The following SMCR8 variants were observed in gnomAD, a reference collection of about 807,000 sequenced individuals.
SMCR8 encodes the protein guanine nucleotide exchange protein SMCR8.
In SMCR8, 30 loss-of-function variants were observed where a neutral mutation model predicts 56.6. The observed-to-expected ratio is 0.53, with a 90% CI of 0.40 to 0.72. The LOEUF (loss-of-function observed/expected upper bound fraction) is 0.72, where lower values mean the gene tolerates loss of function less well. Among genes scored for constraint, SMCR8 ranks in the 30% least tolerant of loss-of-function variants. The pLI is 0.00. For missense variants in SMCR8, 1,198 were observed against 1,157.0 expected, an observed-to-expected ratio of 1.04 and a Z score of -0.51; for synonymous variants, 538 against 456.0, an observed-to-expected ratio of 1.18 and a Z score of -2.29.
chr17:18,319,280 G>A (rs1016258127), intron 1 of SMCR8, among the ~76,000 whole-genome samples: 22 of 152,174 alleles, frequency 1.4e-4, no homozygotes, highest in African/African-American at 5.1e-4. Context: ...GAGAGCCATC[G>A]GAAGGGTCCA....
rs978153014 is a variant in SMCR8 at position 18,322,634 on chromosome 17, G to A, written c.2378G>A (p.Gly793Asp). 1 of 1,613,600 alleles carries A rather than the reference G, an allele frequency of 6.2e-7. No individual in the cohort carries two copies. Among genetic ancestry groups the A allele is most frequent in the Non-Finnish European group, 8.5e-7 (1 of 1,179,664 alleles). The change falls in exon 2 of 2, where the codon GGT becomes GAT. Residue 793 changes from glycine (G) to aspartate (D), a missense_variant. Transcript: ENST00000406438. ...TGTTTCAGAGTGGCCTCCCCTGCCG[G>A]TGCCGGTACCCTCCATGCCCTGAGC... ...IGLQRVASPA[G>D]AGTLHALSRY...
Position 18,317,710 on chromosome 17 carries a change from GACA to G in SMCR8, c.1925_1927del (p.Asn642del). On this transcript the variant is annotated inframe_deletion, in exon 1 of 2. Coordinates refer to ENST00000406438, the MANE Select transcript of SMCR8 (RefSeq NM_144775.3). ...GGAAAATGCCAACCCTTCTTCCCGA[GACA>G]ACAGTTGTGAAGGGTTTCCCGCTTA... 6.2e-7 allele frequency: 1 copy of G among 1,614,172 alleles called. No individual in the cohort carries two copies. The highest frequency in any genetic ancestry group is 1.1e-5 in the South Asian group (1 of 91,080).
chr17:18,316,435 C>A lies in SMCR8; in HGVS notation c.646C>A (p.Gln216Lys). The A allele has an allele frequency of 6.2e-7, 1 of 1,614,102 alleles. No individual in the cohort carries two copies. Among genetic ancestry groups the A allele is most frequent in the Non-Finnish European group, 8.5e-7 (1 of 1,180,040 alleles). ...AGTGCTACACACAGAAACGGAGATCCAGAAGAAAGCCAACGACAAAGGCTT... is the reference window on the plus strand; with the variant it reads ...AGTGCTACACACAGAAACGGAGATCAAGAAGAAAGCCAACGACAAAGGCTT... ...RTVLHTETEIQKKANDKGFYS... is the reference protein window; with the variant it reads ...RTVLHTETEIKKKANDKGFYS... Residue 216 changes from glutamine to lysine, a missense_variant, in exon 1 of 2, where the codon CAG becomes AAG. Physicochemically the swap from Gln to Lys is moderately conservative, Grantham distance 53 (BLOSUM62 1). Transcript: ENST00000406438.
chr17:18,317,676 C>CTTCCA lies in SMCR8; in HGVS notation c.1889_1890insCCATT (p.Ser631HisfsTer50). 4 of 1,614,180 alleles carry CTTCCA rather than the reference C, an allele frequency of 2.5e-6. No individual in the cohort carries two copies. The highest frequency in any genetic ancestry group is 3.4e-6 in the Non-Finnish European group (4 of 1,180,034). Reference sequence around the variant, plus strand: ...AGAAGGACCAGGGGTTCCGTGTAGACTTTTCAGTGGAAAATGCCAACCCTT... The same window carrying CTTCCA: ...AGAAGGACCAGGGGTTCCGTGTAGACTTCCATTTTCAGTGGAAAATGCCAACCCTT... On this transcript the variant is annotated frameshift_variant, in exon 1 of 2. Transcript: ENST00000406438. LOFTEE classifies it high-confidence loss of function.
chr17:18,318,301 T>G, intron 1 of SMCR8, 152 bp downstream of exon 1: 4 of 750,742 alleles, frequency 5.3e-6, no homozygotes, highest in Non-Finnish European at 8.6e-6. Context: ...CTCTCTGGTT[T>G]CTATTTCCTT....
chr17:18,316,335 C>G lies in SMCR8; in HGVS notation c.546C>G (p.Cys182Trp), dbSNP rs777159422. Residue 182 changes from cysteine to tryptophan, a missense_variant, in exon 1 of 2, where the codon TGC (cysteine) becomes TGG (tryptophan). Transcript: ENST00000406438. Reference protein sequence around the residue: ...LSAEFSRASECLKTGNRKAFA... With the variant: ...LSAEFSRASEWLKTGNRKAFA... ...CCGAATTTTCCAGAGCTTCTGAGTG[C>G]TTGAAGACTGGCAACAGGAAGGCAT... 1.9e-6 allele frequency: 3 copies of G among 1,614,114 alleles called. No individual in the cohort carries two copies. Among genetic ancestry groups the G allele is most frequent in the African/African-American group, 1.3e-5 (1 of 75,010 alleles).
chr17:18,322,866 T>C lies in SMCR8; in HGVS notation c.2610T>C (p.Pro870=), dbSNP rs936454639. 2 of 1,614,082 alleles carry C rather than the reference T, an allele frequency of 1.2e-6. No homozygotes were observed. The highest frequency in any genetic ancestry group is 2.7e-5 in the African/African-American group (2 of 75,046). ...LYTFCHHLHL[P]THDKETEELV... is the part of the protein sequence containing the mutation. ...CCTTCTGCCACCACCTGCACCTGCC[T>C]ACCCACGACAAGGAGACAGAGGAGC... The change falls in exon 2 of 2, where the codon CCT becomes CCC. Residue 870 remains proline, a synonymous_variant. Transcript: ENST00000406438.
chr17:18,319,223 T>TCACCCAATCATGTTGAA (rs1019721700), intron 1 of SMCR8, among the ~76,000 whole-genome samples: 4 of 152,136 alleles, frequency 2.6e-5, no homozygotes, highest in African/African-American at 9.7e-5. Flanking sequence ...TCTCATTCAG[T>TCACCCAATCATGTTGAA]CACCCAATCA....
chr17:18,316,057 T>G lies in SMCR8; in HGVS notation c.268T>G (p.Phe90Val). ...KVFGTFDLNY[F>V]SLRIMSVDYQ... ...TTTTGGCACTTTTGATCTCAATTAC[T>G]TCTCCCTGCGTATCATGTCTGTGGA... The change falls in exon 1 of 2, where the codon TTC becomes GTC. Residue 90 changes from phenylalanine (F) to valine (V), a missense_variant. Coordinates refer to ENST00000406438, the MANE Select transcript of SMCR8 (RefSeq NM_144775.3). 1 of 1,614,182 alleles carries G rather than the reference T, an allele frequency of 6.2e-7. No homozygotes were observed. The highest frequency in any genetic ancestry group is 8.5e-7 in the Non-Finnish European group (1 of 1,180,036).
At chr17:18,319,353 A>G (rs1470373738) in intron 1 of SMCR8, among the ~76,000 whole-genome samples, 1 of 152,140 alleles carries the variant, frequency 6.6e-6, no homozygotes, top group Non-Finnish European at 1.5e-5. Context: ...AAGCACTCAG[A>G]GGGTGGAACC....
intron 1 of SMCR8, among the ~76,000 whole-genome samples, chr17:18,320,468 C>T (rs1018952214): frequency 6.6e-6 from 1 of 152,072 alleles, no homozygotes; most frequent in Admixed American, 6.5e-5. Context: ...CCAGCAGAGA[C>T]GGAGGGGCAA....
At position 18,316,802 on chromosome 17, in the gene SMCR8, TCAGC is replaced by T; in HGVS notation, c.1016_1019del (p.Ser339ThrfsTer14). On this transcript the variant is annotated frameshift_variant, in exon 1 of 2. Transcript: ENST00000406438. LOFTEE classifies it high-confidence loss of function. ...TATTTCACCCAGACCCTGGCTCAGC[TCAGC>T]CACATTGAACACATGTTCAGAGGAG... 1 of 1,614,228 alleles carries T rather than the reference TCAGC, an allele frequency of 6.2e-7. No individual in the cohort carries two copies. Among genetic ancestry groups the T allele is most frequent in the Non-Finnish European group, 8.5e-7 (1 of 1,180,046 alleles).
In SMCR8 at chr17:18,322,836, C is replaced by G. The variant is rs763328924; in HGVS notation, c.2580C>G (p.Leu860=). The change falls in exon 2 of 2, where the codon CTC becomes CTG. Residue 860 remains leucine (L), a synonymous_variant. Coordinates refer to ENST00000406438, the MANE Select transcript of SMCR8 (RefSeq NM_144775.3). ...MLTQLCSKAF[L]YTFCHHLHLP... ...CCCAGCTCTGCTCCAAGGCCTTCCT[C>G]TACACCTTCTGCCACCACCTGCACC... 3.7e-6 allele frequency: 6 copies of G among 1,614,058 alleles called. No homozygotes were observed. In the East Asian group the frequency reaches 1.3e-4, roughly 36 times the overall value.
intron 1 of SMCR8, among the ~76,000 whole-genome samples, chr17:18,318,693 C>T (rs1054661301): frequency 7.2e-5 from 11 of 152,298 alleles, no homozygotes; most frequent in Admixed American, 3.9e-4. Flanking sequence ...TGTGAGCCAC[C>T]GTGCCTGGCC....
chr17:18,323,074 C>T lies in SMCR8; in HGVS notation c.*4C>T, dbSNP rs375684610. The T allele has an allele frequency of 5.6e-6, 9 of 1,606,402 alleles. No individual in the cohort carries two copies. Among genetic ancestry groups the T allele is most frequent in the East Asian group, 4.5e-5 (2 of 44,788 alleles). On this transcript the variant is annotated 3_prime_UTR_variant, in exon 2 of 2. Coordinates refer to ENST00000406438, the MANE Select transcript of SMCR8 (RefSeq NM_144775.3). ...CAGCTTTTTGTATAAAATCTGAGGTCGGTCCCAGACACTGTGACCAAGACC... is the reference window on the plus strand; with the variant it reads ...CAGCTTTTTGTATAAAATCTGAGGTTGGTCCCAGACACTGTGACCAAGACC...
intron 1 of SMCR8, among the ~76,000 whole-genome samples, chr17:18,318,704 G>C (rs112001895): frequency 0.032 from 4,864 of 152,170 alleles, 222 homozygotes; most frequent in African/African-American, 0.099. Context: ...GTGCCTGGCC[G>C]GAAAGTTTTT....
intron 1 of SMCR8, 28 bp downstream of exon 1, chr17:18,318,177 G>C (rs748570653): frequency 6.3e-7 from 1 of 1,595,064 alleles, no homozygotes; most frequent in Non-Finnish European, 8.6e-7. Context: ...GTGGGGAAGG[G>C]CCTTGGCCAG....
chr17:18,319,966 C>T (rs900498044), intron 1 of SMCR8, among the ~76,000 whole-genome samples: 6 of 152,210 alleles, frequency 3.9e-5, no homozygotes, highest in South Asian at 2.1e-4. Flanking sequence ...CTCAGCCTTC[C>T]GAAGTACTGG....
In SMCR8 at chr17:18,317,535, C is replaced by T; in HGVS notation, c.1746C>T (p.Asp582=). Residue 582 remains aspartate (D), a synonymous_variant, in exon 1 of 2, where the codon GAC becomes GAT. Coordinates refer to ENST00000406438, the MANE Select transcript of SMCR8 (RefSeq NM_144775.3). ...TAGAAAACACCCCATCACAAATAGACTCCTCCTGCTGTATTGGGAAGGAGA... is the reference window on the plus strand; with the variant it reads ...TAGAAAACACCCCATCACAAATAGATTCCTCCTGCTGTATTGGGAAGGAGA... ...GSIENTPSQI[D]SSCCIGKESD... 1 of 1,614,154 alleles carries T rather than the reference C, an allele frequency of 6.2e-7. No individual in the cohort carries two copies. The highest frequency in any genetic ancestry group is 8.5e-7 in the Non-Finnish European group (1 of 1,180,030).
Sources: allele counts gnomAD v4.1 joint callset (sites outside exome capture counted in the v4.1 genomes callset), GRCh38; gene constraint gnomAD v4.1.1; transcripts MANE v1.5; gene names NCBI Gene and HGNC (gene_info 2026-07-23, HGNC 2026-07-21).